ZNF783: variants seen among roughly 807,000 people sequenced by gnomAD.
ZNF783 encodes protein ZNF783.
ZNF783 carries 25 observed loss-of-function variants against 31.3 expected under a neutral mutation model. The observed-to-expected ratio is 0.80, with a 90% CI of 0.58 to 1.11. The LOEUF (loss-of-function observed/expected upper bound fraction) is 1.11. ZNF783 is among the 50% of genes most tolerant of loss of function. ZNF783 has a pLI of 0.00. For synonymous variants in ZNF783, 369 were observed against 319.1 expected, an observed-to-expected ratio of 1.16 and a Z score of -1.66; for missense variants, 797 against 760.0, an observed-to-expected ratio of 1.05 and a Z score of -0.57.
At chr7:149,279,653 T>TA (rs1797415775) in intron 5 of ZNF783, among the ~76,000 whole-genome samples, 12 of 143,794 alleles carry the variant, frequency 8.3e-5, no homozygotes, top group South Asian at 2.2e-4. Flanking sequence ...TTTTTTTTTT[T>TA]TAATTTTTTT....
intron 1 of ZNF783, among the ~76,000 whole-genome samples, chr7:149,263,288 GTGTGTGTGTGTGTGTGTATATATA>G (rs1307462088): frequency 1.6e-4 from 18 of 110,096 alleles, no homozygotes; most frequent in Admixed American, 3.5e-4. Flanking sequence ...GTGTGTGTGT[GTGTGTGTGTGTGTGTGTATATATA>G]TATATATATA....
chr7:149,272,095 G>A (rs181520482), intron 4 of ZNF783, among the ~76,000 whole-genome samples: 1 of 152,248 alleles, frequency 6.6e-6, no homozygotes, highest in Admixed American at 6.5e-5. Context: ...TCGTCTCACT[G>A]TAATCCCTGA....
Position 149,281,706 on chromosome 7 carries a change from G to A in ZNF783, c.1004G>A (p.Gly335Glu). Residue 335 changes from glycine (G) to glutamate (E), a missense_variant, in exon 6 of 6, where the codon GGG (glycine) becomes GAG (glutamate). Gly to Glu is a moderately conservative substitution (Grantham distance 98, BLOSUM62 -2). Transcript: ENST00000434415. ...GAGCCACGGCCACCGGGGGCCAGTG[G>A]GGAGACGCCCCGAGTCCTCTCCCGC... The part of the protein sequence containing the change: ...AGEPRPPGAS[G>E]ETPRVLSRRR... 1 of 1,491,334 alleles carries A rather than the reference G, an allele frequency of 6.7e-7. No individual in the cohort carries two copies. Among genetic ancestry groups the A allele is most frequent in the Non-Finnish European group, 8.8e-7 (1 of 1,130,244 alleles). The allele number at this position is 1,491,334 out of a possible 1,614,324, so 92.4% of individuals were successfully genotyped here.
At chr7:149,269,985 A>G (rs975190149) in intron 4 of ZNF783, among the ~76,000 whole-genome samples, 1 of 152,060 alleles carries the variant, frequency 6.6e-6, no homozygotes, top group Non-Finnish European at 1.5e-5. Flanking sequence ...CCGTGTCCCT[A>G]CAAAGGACAT....
chr7:149,279,935 C>G (rs1452839073), intron 5 of ZNF783, among the ~76,000 whole-genome samples: 1 of 152,172 alleles, frequency 6.6e-6, no homozygotes, highest in Non-Finnish European at 1.5e-5. Context: ...CCTTTCTATT[C>G]CACAAAACCG....
chr7:149,272,843 T>C (rs1038649067), intron 4 of ZNF783, among the ~76,000 whole-genome samples: 6 of 152,186 alleles, frequency 3.9e-5, no homozygotes, highest in Non-Finnish European at 8.8e-5. Flanking sequence ...ATTCATTCTA[T>C]TTAACTATAT....
chr7:149,278,289 G>C, intron 4 of ZNF783, 110 bp from the exon 5 acceptor site: 4 of 1,520,288 alleles, frequency 2.6e-6, no homozygotes, highest in Non-Finnish European at 2.6e-6. Flanking sequence ...CCCTGTGCTG[G>C]AGCTGAGGCC....
chr7:149,275,314 T>G (rs1277180980), intron 4 of ZNF783, among the ~76,000 whole-genome samples: 2 of 149,022 alleles, frequency 1.3e-5, no homozygotes, highest in African/African-American at 5.1e-5. Flanking sequence ...TAGGTTTTTC[T>G]TTCTTTTTTT....
rs557562339 is a variant in ZNF783 at position 149,282,143 on chromosome 7, C to G, written c.1441C>G (p.Leu481Val). The G allele has an allele frequency of 6.2e-7, 1 of 1,600,352 alleles. No homozygotes were observed. The highest frequency in any genetic ancestry group is 2.2e-5 in the East Asian group (1 of 44,866). ...CAAGGCCTTCCGCCGGCCCTCGGACCTCTTCCGGCACCAGCGCATCCACAC... is the reference window on the plus strand; with the variant it reads ...CAAGGCCTTCCGCCGGCCCTCGGACGTCTTCCGGCACCAGCGCATCCACAC... ...CGKAFRRPSD[L>V]FRHQRIHTGE... Residue 481 changes from leucine to valine, a missense_variant, in exon 6 of 6, where the codon CTC (leucine) becomes GTC (valine). Physicochemically the swap from Leu to Val is conservative, Grantham distance 32. Transcript: ENST00000434415.
chr7:149,271,409 A>G (rs1797208390), intron 4 of ZNF783, among the ~76,000 whole-genome samples: 1 of 152,248 alleles, frequency 6.6e-6, no homozygotes. Context: ...ATTAACAATT[A>G]GACTTCCATT....
At chr7:149,276,393 A>AT (rs1797329568) in intron 4 of ZNF783, 2 of 987,778 alleles carry the variant, frequency 2.0e-6, no homozygotes. Context: ...ATCCACTGAA[A>AT]TTTTTAGGAT....
intron 5 of ZNF783, among the ~76,000 whole-genome samples, chr7:149,279,947 C>G (rs1332597514): frequency 6.6e-6 from 1 of 152,168 alleles, no homozygotes; most frequent in Non-Finnish European, 1.5e-5. Context: ...ACAAAACCGC[C>G]ATTGTCATCC....
At chr7:149,276,366 T>G (rs954597825) in intron 4 of ZNF783, 2 of 989,088 alleles carry the variant, frequency 2.0e-6, no homozygotes, top group African/African-American at 3.5e-5. Context: ...GATCCAAAGA[T>G]GAAACTTCAG....
At chr7:149,263,076 C>T (rs1258718465) in intron 1 of ZNF783, among the ~76,000 whole-genome samples, 3 of 149,200 alleles carry the variant, frequency 2.0e-5, no homozygotes, top group Admixed American at 1.3e-4. Flanking sequence ...CTACAGGCGC[C>T]TGCTACCACG....
At position 149,267,107 on chromosome 7, in the gene ZNF783, C is replaced by T. The variant is rs1245836306; in HGVS notation, c.558C>T (p.Ile186=). ...YETLVSLDYA[I]SKPDILTRIE... is the part of the protein sequence containing the mutation. ...TTGTTCTGTGCACAGATTATGCAAT[C>T]TCCAAACCAGACATCCTCACCCGGA... Residue 186 remains isoleucine, a synonymous_variant, in exon 4 of 6, where the codon ATC becomes ATT. Coordinates refer to ENST00000434415, the MANE Select transcript of ZNF783 (RefSeq NM_001195220.2). 1 of 1,600,418 alleles carries T rather than the reference C, an allele frequency of 6.2e-7. No homozygotes were observed. The highest frequency in any genetic ancestry group is 1.7e-5 in the Admixed American group (1 of 60,010).
chr7:149,281,410 G>A (rs533185330), intron 5 of ZNF783, 95 bp from the exon 6 acceptor site: 19 of 1,149,228 alleles, frequency 1.7e-5, no homozygotes, highest in Admixed American at 1.0e-4. Context: ...GGGAGATAGG[G>A]CCCGGGCTGA....
intron 5 of ZNF783, among the ~76,000 whole-genome samples, chr7:149,279,254 G>A (rs1229345611): frequency 2.6e-5 from 4 of 152,228 alleles, no homozygotes; most frequent in Admixed American, 2.0e-4. Flanking sequence ...TCTGCTCATG[G>A]AGTTGGAGAG....
intron 4 of ZNF783, among the ~76,000 whole-genome samples, chr7:149,271,616 T>C (rs184435629): frequency 6.0e-5 from 9 of 149,950 alleles, no homozygotes; most frequent in African/African-American, 2.2e-4. Context: ...TTGATTTAAC[T>C]TAATTTTTTG....
intron 4 of ZNF783, among the ~76,000 whole-genome samples, chr7:149,269,334 C>T (rs1797157548): frequency 6.6e-6 from 1 of 152,184 alleles, no homozygotes; most frequent in African/African-American, 2.4e-5. Flanking sequence ...TTGTCAGATG[C>T]ATAGTTTCCA....
Sources: allele counts gnomAD v4.1 joint callset (sites outside exome capture counted in the v4.1 genomes callset), GRCh38; gene constraint gnomAD v4.1.1; transcripts MANE v1.5; gene names NCBI Gene and HGNC (gene_info 2026-07-23, HGNC 2026-07-21).